The following MTIF2 variants were observed in gnomAD, a reference collection of about 807,000 sequenced individuals.
MTIF2 encodes the protein mitochondrial translational initiation factor 2.
Under a neutral mutation model 83.5 loss-of-function variants are expected in MTIF2, and 71 were observed. The ratio of observed to expected loss-of-function variants is 0.85; its 90% CI spans 0.70 to 1.04. MTIF2 has a LOEUF of 1.04. Among genes scored for constraint, MTIF2 ranks in the 50% least tolerant of loss-of-function variants. MTIF2 has a pLI of 0.00. For synonymous variants in MTIF2, 319 were observed against 287.1 expected (o/e 1.11, Z -1.12); for missense variants, 957 against 846.5 (o/e 1.13, Z -1.62).
chr2:55,262,303 A>T lies in MTIF2; in HGVS notation c.331+13T>A. On this transcript the variant is annotated intron_variant, in intron 5 of 15. Coordinates refer to ENST00000263629, the MANE Select transcript of MTIF2 (RefSeq NM_002453.3). ...CATTCCCATATTTTGCTTTGTAAAA[A>T]TATCTGACTCACCTGTGTTTTTTTC... 2 of 1,583,482 alleles carry T rather than the reference A, an allele frequency of 1.3e-6. No individual in the cohort carries two copies. Among genetic ancestry groups the T allele is most frequent in the Non-Finnish European group, 8.7e-7 (1 of 1,153,308 alleles).
At chr2:55,250,306 G>T (rs1253625592) in intron 8 of MTIF2, among the ~76,000 whole-genome samples, 1 of 151,674 alleles carries the variant, frequency 6.6e-6, no homozygotes, top group Non-Finnish European at 1.5e-5. Flanking sequence ...GTGTTAAGTG[G>T]ACCCACACAG....
intron 5 of MTIF2, among the ~76,000 whole-genome samples, chr2:55,259,844 T>C (rs1677825255): frequency 6.6e-6 from 1 of 152,074 alleles, no homozygotes; most frequent in African/African-American, 2.4e-5. Flanking sequence ...CTTAGGAGGC[T>C]GAGGCACAAG....
chr2:55,241,079 G>GA (rs904874075), intron 13 of MTIF2, among the ~76,000 whole-genome samples: 7 of 144,750 alleles, frequency 4.8e-5, no homozygotes, highest in Non-Finnish European at 6.1e-5. Flanking sequence ...TACTTTGGGA[G>GA]AAAAAAAAAA....
intron 1 of MTIF2, 98 bp downstream of exon 1, chr2:55,269,071 G>T (rs1678647190): frequency 6.6e-6 from 1 of 152,326 alleles, no homozygotes; most frequent in African/African-American, 2.4e-5. Flanking sequence ...TGTTTATGAA[G>T]TTCGCGTGAT....
chr2:55,264,317 G>A (rs1041223940), intron 3 of MTIF2, among the ~76,000 whole-genome samples: 1 of 152,070 alleles, frequency 6.6e-6, no homozygotes, highest in Non-Finnish European at 1.5e-5. Context: ...TTGCAGCCTC[G>A]ACCTCCCAGG....
intron 1 of MTIF2, 111 bp downstream of exon 1, chr2:55,269,058 C>G (rs1279078176): frequency 6.6e-6 from 1 of 152,254 alleles, no homozygotes; most frequent in African/African-American, 2.4e-5. Context: ...TCCGAACGCA[C>G]AATGTTTATG....
chr2:55,248,968 T>C (rs974685123), intron 9 of MTIF2, among the ~76,000 whole-genome samples: 7 of 152,098 alleles, frequency 4.6e-5, no homozygotes, highest in Non-Finnish European at 7.3e-5. Flanking sequence ...AGACCCTATG[T>C]CTACAAAAAA....
chr2:55,251,716 C>T (rs143332071), intron 8 of MTIF2, among the ~76,000 whole-genome samples: 89 of 152,260 alleles, frequency 5.8e-4, no homozygotes, highest in African/African-American at 1.7e-3. Context: ...CTCCACCTCC[C>T]GGGTTCAAGT....
intron 8 of MTIF2, among the ~76,000 whole-genome samples, chr2:55,251,192 AG>A (rs1677071077): frequency 1.3e-5 from 2 of 151,708 alleles, no homozygotes; most frequent in Non-Finnish European, 2.9e-5. Flanking sequence ...CCAAGAGAAG[AG>A]GTGTACAAAG....
intron 8 of MTIF2, 47 bp from the exon 9 acceptor site, chr2:55,249,581 T>C (rs1476132897): frequency 1.3e-6 from 2 of 1,597,430 alleles, no homozygotes; most frequent in East Asian, 4.5e-5. Flanking sequence ...ACACCTTCAA[T>C]TCCAGGTATT....
intron 5 of MTIF2, among the ~76,000 whole-genome samples, chr2:55,258,348 G>A (rs1057150320): frequency 6.6e-6 from 1 of 152,116 alleles, no homozygotes; most frequent in Non-Finnish European, 1.5e-5. Flanking sequence ...TATGCTCTCA[G>A]AGAACTGTAA....
rs557614891 is a variant in MTIF2, at chr2:55,264,776, A to G, written c.-7-911T>C. Among the ~76,000 whole-genome samples, 11 of 152,294 alleles carry G rather than the reference A, an allele frequency of 7.2e-5. No homozygotes were observed. The South Asian group carries it at 2.3e-3, about 32-fold the overall frequency. ...ATTTATTGAATAATGCCTTTTGAGT[A>G]TTATTCTTAGAATAAAAGAAGAGTT... On this transcript the variant is annotated intron_variant, in intron 3 of 15. Coordinates refer to ENST00000263629, the MANE Select transcript of MTIF2 (RefSeq NM_002453.3).
At chr2:55,237,869 T>A (rs1573843972) in intron 14 of MTIF2, among the ~76,000 whole-genome samples, 2 of 152,028 alleles carry the variant, frequency 1.3e-5, no homozygotes, top group East Asian at 3.9e-4. Context: ...CAGGCTGGTC[T>A]CAAACTCCTG....
chr2:55,246,720 T>C (rs1676727862), intron 9 of MTIF2, among the ~76,000 whole-genome samples: 1 of 152,012 alleles, frequency 6.6e-6, no homozygotes, highest in African/African-American at 2.4e-5. Context: ...AAGGAACAAG[T>C]GGCTATTTTT....
intron 4 of MTIF2, among the ~76,000 whole-genome samples, chr2:55,262,775 C>T (rs1678126213): frequency 6.6e-6 from 1 of 151,662 alleles, no homozygotes; most frequent in Admixed American, 6.6e-5. Flanking sequence ...GTTGCCCAGG[C>T]TGGAGTGCAG....
Position 55,243,448 on chromosome 2 carries a change from C to T in MTIF2, c.1532G>A (p.Arg511Lys). Residue 511 changes from arginine to lysine, a missense_variant, in exon 12 of 16, where the codon AGA (arginine) becomes AAA (lysine). By Grantham distance (26) the Arg-to-Lys change is conservative. Transcript: ENST00000263629. ...AATCACAGAAAGTACATTTGAATCTCTTTCCCTTTTCTCTTTTGGCTTTAA... is the reference window on the plus strand; with the variant it reads ...AATCACAGAAAGTACATTTGAATCTTTTTCCCTTTTCTCTTTTGGCTTTAA... ...IPLKPKEKRE[R>K]DSNVLSVIIK... 6.2e-7 allele frequency: 1 copy of T among 1,610,492 alleles called. No homozygotes were observed. The highest frequency in any genetic ancestry group is 8.5e-7 in the Non-Finnish European group (1 of 1,177,558).
At chr2:55,247,520 CCAGCCTG>C (rs1676788226) in intron 9 of MTIF2, among the ~76,000 whole-genome samples, 1 of 152,106 alleles carries the variant, frequency 6.6e-6, no homozygotes. Context: ...CCACTGCTCT[CCAGCCTG>C]AGACACAGAG....
Position 55,253,975 on chromosome 2 carries a change from A to G in MTIF2, c.664+66T>C. On this transcript the variant is annotated intron_variant, in intron 7 of 15. Transcript: ENST00000263629. ...ACTTTGAATTTGTATATTTCATACTATGACATTTAGTTTAAGAAAATAAGT... is the reference window on the plus strand; with the variant it reads ...ACTTTGAATTTGTATATTTCATACTGTGACATTTAGTTTAAGAAAATAAGT... 2.0e-6 allele frequency: 3 copies of G among 1,520,186 alleles called. No homozygotes were observed. The South Asian group carries it at 3.6e-5, about 18-fold the overall frequency. The allele number at this position is 1,520,186 out of a possible 1,614,324, so 94.2% of individuals were successfully genotyped here. A position where few individuals can be genotyped will look rare whatever the true frequency, so the allele number is the denominator to read the frequency against.
Position 55,237,360 on chromosome 2 carries a change from T to C in MTIF2, c.1939A>G (p.Arg647Gly). The change falls in exon 15 of 16, where the codon AGA becomes GGA. Residue 647 changes from arginine to glycine, a missense_variant. Transcript: ENST00000263629. ...TTTTCTAACTGTCCCTTTTGGACTC[T>C]GCAGCCAGCCACAGGAACTTTTTTC... ...GKKKVPVAGC[R>G]VQKGQLEKQK... is the part of the protein sequence containing the mutation. 6.2e-7 allele frequency: 1 copy of C among 1,613,134 alleles called. No individual in the cohort carries two copies. The highest frequency in any genetic ancestry group is 8.5e-7 in the Non-Finnish European group (1 of 1,179,938).
Sources: gnomAD v4.1 joint callset for allele counts (sites outside exome capture counted in the v4.1 genomes callset) on GRCh38, gnomAD v4.1.1 for gene constraint, MANE v1.5 for transcripts, NCBI Gene and HGNC (gene_info 2026-07-23, HGNC 2026-07-21) for gene names.